Variants in IL4R observed in about 807,000 individuals in gnomAD.
IL4R encodes interleukin 4 receptor.
A neutral mutation model predicts 41.5 loss-of-function variants in IL4R; 17 were observed. That is an observed-to-expected ratio of 0.41 (90% CI 0.28 to 0.61). The LOEUF is 0.61. Among genes scored for constraint, IL4R ranks in the 20% least tolerant of loss-of-function variants. The pLI is 0.31. For synonymous variants in IL4R, 402 were observed against 422.9 expected (o/e 0.95, Z 0.61); for missense variants, 974 against 1,043.1 (o/e 0.93, Z 0.91).
chr16:27,333,306 C>T (rs2085164247), intron 2 of IL4R, among the ~76,000 whole-genome samples: 2 of 151,728 alleles, frequency 1.3e-5, no homozygotes, highest in African/African-American at 4.8e-5. Context: ...TTATCCTACA[C>T]TTGCGGAACT....
intron 1 of IL4R, among the ~76,000 whole-genome samples, chr16:27,319,751 C>T (rs900596088): frequency 6.6e-6 from 1 of 152,206 alleles, no homozygotes; most frequent in Non-Finnish European, 1.5e-5. Context: ...AGCTGCTCCC[C>T]ATCGCTCGCA....
chr16:27,344,450 C>T (rs773757686), intron 4 of IL4R, among the ~76,000 whole-genome samples: 2 of 151,092 alleles, frequency 1.3e-5, no homozygotes, highest in Non-Finnish European at 2.9e-5. Flanking sequence ...AGTTTGCAGA[C>T]CCCTGGCCTA....
At chr16:27,344,361 A>T (rs2085550253) in intron 4 of IL4R, among the ~76,000 whole-genome samples, 1 of 130,252 alleles carries the variant, frequency 7.7e-6, no homozygotes, top group African/African-American at 3.2e-5. Context: ...TTATACAAAT[A>T]ACCAAAAAAA....
intron 9 of IL4R, among the ~76,000 whole-genome samples, chr16:27,359,387 C>T (rs1183011839): frequency 1.3e-5 from 2 of 152,138 alleles, no homozygotes; most frequent in African/African-American, 2.4e-5. Flanking sequence ...GAAACTGCCC[C>T]CGAAGCACTA....
intron 1 of IL4R, among the ~76,000 whole-genome samples, chr16:27,316,689 G>A (rs1415087676): frequency 2.0e-5 from 3 of 152,178 alleles, no homozygotes; most frequent in Admixed American, 1.3e-4. Flanking sequence ...AAAACGTATA[G>A]CTGGGGAGTG....
At chr16:27,355,543 G>T in intron 7 of IL4R, 1 of 427,002 alleles carries the variant, frequency 2.3e-6, no homozygotes, top group Non-Finnish European at 4.4e-6. Flanking sequence ...TGACTTCTGT[G>T]CTTCCGGAAA....
At chr16:27,353,016 G>A (rs1383086158) in intron 7 of IL4R, among the ~76,000 whole-genome samples, 1 of 152,206 alleles carries the variant, frequency 6.6e-6, no homozygotes, top group Non-Finnish European at 1.5e-5. Context: ...TTTCCATCTT[G>A]TGGTGCCGTC....
intron 1 of IL4R, among the ~76,000 whole-genome samples, chr16:27,319,226 G>C (rs2084738899): frequency 6.6e-6 from 1 of 152,214 alleles, no homozygotes; most frequent in Non-Finnish European, 1.5e-5. Flanking sequence ...AGGTCTAGGA[G>C]CAGAGGTCAG....
intron 1 of IL4R, among the ~76,000 whole-genome samples, chr16:27,327,717 C>T (rs1381333832): frequency 6.6e-6 from 1 of 152,110 alleles, no homozygotes; most frequent in Non-Finnish European, 1.5e-5. Flanking sequence ...TCTGTGACCA[C>T]CAGCAAGTGC....
At chr16:27,334,781 A>T (rs1463828646) in intron 2 of IL4R, among the ~76,000 whole-genome samples, 1 of 152,096 alleles carries the variant, frequency 6.6e-6, no homozygotes, top group South Asian at 2.1e-4. Flanking sequence ...AAGGAAGACG[A>T]GTTCAACCTT....
chr16:27,332,002 G>A (rs973736253), intron 2 of IL4R, among the ~76,000 whole-genome samples: 2 of 151,650 alleles, frequency 1.3e-5, no homozygotes, highest in Non-Finnish European at 2.9e-5. Flanking sequence ...TTTTGAGACA[G>A]GATCTTTCTC....
At chr16:27,333,982 A>C (rs986030841) in intron 2 of IL4R, among the ~76,000 whole-genome samples, 3 of 151,910 alleles carry the variant, frequency 2.0e-5, no homozygotes, top group Non-Finnish European at 4.4e-5. Flanking sequence ...TCCCGGGTTC[A>C]AGCCATTCTC....
Position 27,363,073 on chromosome 16 carries a change from G to A in IL4R, c.1721G>A (p.Gly574Asp). 1 of 1,614,124 alleles carries A rather than the reference G, an allele frequency of 6.2e-7. No individual in the cohort carries two copies. Among genetic ancestry groups the A allele is most frequent in the Non-Finnish European group, 8.5e-7 (1 of 1,180,042 alleles). The change falls in exon 11 of 11, where the codon GGC (glycine) becomes GAC (aspartate). Residue 574 changes from glycine to aspartate, a missense_variant. Physicochemically the swap from Gly to Asp is moderately conservative, Grantham distance 94 (BLOSUM62 -1). This residue lies in a region of IL4R where 682 missense variants were observed against 704.3 expected (regional missense o/e 0.97). Transcript: ENST00000395762. ...GCCCCCGTCTCGGCCCCCACCAGTG[G>A]CTATCAGGAGTTTGTACATGCGGTG... is the stretch of plus-strand genomic sequence containing the variant. The part of the protein sequence containing the change: ...AAAPVSAPTS[G>D]YQEFVHAVEQ...
chr16:27,360,887 G>T, intron 10 of IL4R, 72 bp downstream of exon 10: 1 of 1,612,960 alleles, frequency 6.2e-7, no homozygotes, highest in Non-Finnish European at 8.5e-7. Context: ...CAAGCCCCTA[G>T]CTCCATGTCT....
intron 1 of IL4R, among the ~76,000 whole-genome samples, chr16:27,322,822 T>G (rs1442079662): frequency 6.6e-6 from 1 of 152,212 alleles, no homozygotes; most frequent in African/African-American, 2.4e-5. Context: ...ATAAGCCAGA[T>G]GAGTTAAAAA....
chr16:27,340,581 G>A (rs3024533), intron 3 of IL4R, among the ~76,000 whole-genome samples: 2,773 of 152,156 alleles, frequency 0.018, 80 homozygotes, highest in African/African-American at 0.063. Context: ...TATTAGCCAG[G>A]TGTGGCAGTG....
intron 1 of IL4R, among the ~76,000 whole-genome samples, chr16:27,328,872 T>G (rs144004098): frequency 6.6e-6 from 1 of 152,174 alleles, no homozygotes; most frequent in East Asian, 1.9e-4. Flanking sequence ...ATGTTTGTCT[T>G]ATTGATTTGT....
intron 1 of IL4R, among the ~76,000 whole-genome samples, chr16:27,328,619 T>G (rs148560479): frequency 1.2e-3 from 189 of 152,184 alleles, no homozygotes; most frequent in Non-Finnish European, 2.4e-3. Flanking sequence ...AGGCACTGTT[T>G]CAGGCACTGG....
intron 7 of IL4R, chr16:27,355,457 C>T (rs2086030531): frequency 1.3e-5 from 4 of 314,864 alleles, no homozygotes; most frequent in South Asian, 2.9e-5. Context: ...GATGAGGATG[C>T]GGAGGCACAG....
Sources: allele counts gnomAD v4.1 joint callset (sites outside exome capture counted in the v4.1 genomes callset), GRCh38; gene constraint gnomAD v4.1.1; regional missense constraint gnomAD v4.1.1; transcripts MANE v1.5; gene names NCBI Gene and HGNC (gene_info 2026-07-23, HGNC 2026-07-21).